INPP5B: variants seen among roughly 807,000 people sequenced by gnomAD.
INPP5B encodes the protein type II inositol 1,4,5-trisphosphate 5-phosphatase.
A neutral mutation model predicts 118.5 loss-of-function variants in INPP5B; 90 were observed. That is an observed-to-expected ratio of 0.76 (90% CI 0.64 to 0.90). The LOEUF (loss-of-function observed/expected upper bound fraction) is 0.90, where lower values mean the gene tolerates loss of function less well. Ranked by LOEUF, INPP5B falls within the 40% of genes least tolerant of loss-of-function variation. The pLI, the probability that INPP5B is intolerant of heterozygous loss-of-function variation, is 0.00. For missense variants in INPP5B, 984 were observed against 1,125.6 expected, an observed-to-expected ratio of 0.87 and a Z score of 1.80; for synonymous variants, 385 against 418.9, an observed-to-expected ratio of 0.92 and a Z score of 0.99.
chr1:37,937,035 G>A (rs748767493), intron 6 of INPP5B, among the ~76,000 whole-genome samples: 19 of 152,150 alleles, frequency 1.2e-4, no homozygotes, highest in African/African-American at 3.6e-4. Context: ...AGGCCAGGCC[G>A]GGCGCGGTGG....
At chr1:37,904,058 G>C (rs1382689774) in intron 7 of INPP5B, among the ~76,000 whole-genome samples, 1 of 152,142 alleles carries the variant, frequency 6.6e-6, no homozygotes, top group African/African-American at 2.4e-5. Context: ...CAGGCATGGT[G>C]GCTCATGCCT....
intron 7 of INPP5B, 91 bp downstream of exon 7, chr1:37,931,822 T>C: frequency 1.2e-6 from 2 of 1,608,984 alleles, no homozygotes; most frequent in Non-Finnish European, 1.7e-6. Context: ...GCCTGTCTTC[T>C]CCATCGCTCC....
rs1180487214 is a variant in INPP5B, at chr1:37,896,624, G to A, written c.533-5170C>T. The stretch of plus-strand genomic sequence containing the variant: ...GGGGGGTCAGCCCCCCGCCCGGCCA[G>A]CCGCCCCGTCCGGGAGGTGAGGGGC... On this transcript the variant is annotated intron_variant, in intron 7 of 23. Transcript: ENST00000373024. Among the ~76,000 whole-genome samples the A allele has an allele frequency of 2.8e-5, 4 of 144,932 alleles. No homozygotes were observed. In the East Asian group the frequency reaches 8.7e-4, roughly 32 times the overall value.
At chr1:37,943,351 G>A (rs540901644) in intron 5 of INPP5B, among the ~76,000 whole-genome samples, 2 of 152,242 alleles carry the variant, frequency 1.3e-5, no homozygotes, top group East Asian at 3.9e-4. Context: ...AAGCCCTGAA[G>A]GCTGAGTAGG....
intron 7 of INPP5B, among the ~76,000 whole-genome samples, chr1:37,909,794 A>T (rs1276032754): frequency 6.6e-6 from 1 of 152,198 alleles, no homozygotes; most frequent in Non-Finnish European, 1.5e-5. Flanking sequence ...ACAGTAATAC[A>T]GAAGAGTTGT....
At chr1:37,909,948 G>A (rs1027921255) in intron 7 of INPP5B, among the ~76,000 whole-genome samples, 1 of 152,160 alleles carries the variant, frequency 6.6e-6, no homozygotes. Context: ...TCTGGCCACT[G>A]GGCCAAGGAA....
chr1:37,914,138 C>T (rs1390522163), intron 7 of INPP5B, among the ~76,000 whole-genome samples: 1 of 152,188 alleles, frequency 6.6e-6, no homozygotes, highest in African/African-American at 2.4e-5. Flanking sequence ...TCACACAAAG[C>T]CTGTTGGTGG....
At position 37,875,601 on chromosome 1, in the gene INPP5B, C is replaced by T; in HGVS notation, c.1788+5G>A. On this transcript the variant is annotated splice_donor_5th_base_variant and intron_variant, in intron 17 of 23. Coordinates refer to ENST00000373024, the MANE Select transcript of INPP5B (RefSeq NM_005540.3). ...ATGCTAATATTCTTAACATGTCCTTCCTACCTCTCGCTTGGACAGGGACAC... is the reference window on the plus strand; with the variant it reads ...ATGCTAATATTCTTAACATGTCCTTTCTACCTCTCGCTTGGACAGGGACAC... 1 of 1,607,994 alleles carries T rather than the reference C, an allele frequency of 6.2e-7. No homozygotes were observed. Among genetic ancestry groups the T allele is most frequent in the Non-Finnish European group, 8.5e-7 (1 of 1,174,424 alleles).
At position 37,931,997 on chromosome 1, in the gene INPP5B, C is replaced by T. The variant is rs1236668263; in HGVS notation, c.448G>A (p.Ala150Thr). ...EFLWLSRYRC[A>T]ELELEMPTPR... is the part of the protein sequence containing the mutation. ...GTTGGCATCTCCAGCTCCAGCTCTGCGCACCTATACCGAGACAGCCACAGG... is the reference window on the plus strand; with the variant it reads ...GTTGGCATCTCCAGCTCCAGCTCTGTGCACCTATACCGAGACAGCCACAGG... Residue 150 changes from alanine (A) to threonine (T), a missense_variant, in exon 7 of 24, where the codon GCA becomes ACA. Transcript: ENST00000373024. 6.2e-6 allele frequency: 10 copies of T among 1,612,640 alleles called. No homozygotes were observed. In the African/African-American group the frequency reaches 9.3e-5, roughly 15 times the overall value.
intron 8 of INPP5B, among the ~76,000 whole-genome samples, chr1:37,890,897 C>T (rs535361552): frequency 6.6e-6 from 1 of 152,212 alleles, no homozygotes; most frequent in South Asian, 2.1e-4. Flanking sequence ...GAGCAGGGTG[C>T]CTGGCAGTAA....
At chr1:37,926,730 A>C (rs1351822089) in intron 7 of INPP5B, among the ~76,000 whole-genome samples, 2 of 152,210 alleles carry the variant, frequency 1.3e-5, no homozygotes, top group Non-Finnish European at 2.9e-5. Flanking sequence ...CCTCCAGAAC[A>C]CAGCTCCAGG....
rs1360388780 is a variant in INPP5B, at chr1:37,941,960, T to A, written c.281-1162A>T. ...CTCAAAAAAAAAAAAAAAAAAAAAA[T>A]ATATATATATATATAAAATAAAATA... On this transcript the variant is annotated intron_variant, in intron 5 of 23. Transcript: ENST00000373024. 218 of 58,652 alleles carry A rather than the reference T, an allele frequency of 3.7e-3. 25 individuals carry two copies. The highest frequency in any genetic ancestry group is 8.7e-3 in the South Asian group (18 of 2,062). The allele number at this position is 58,652 out of a possible 1,614,324, so 3.6% of individuals were successfully genotyped here. A position where few individuals can be genotyped will look rare whatever the true frequency, so the allele number is the denominator to read the frequency against.
At chr1:37,914,475 C>G (rs1382677241) in intron 7 of INPP5B, among the ~76,000 whole-genome samples, 2 of 152,066 alleles carry the variant, frequency 1.3e-5, no homozygotes, top group East Asian at 1.9e-4. Context: ...CCTCTCCAGC[C>G]CCATTTCCCA....
At chr1:37,896,852 G>T (rs61776674) in intron 7 of INPP5B, among the ~76,000 whole-genome samples, 106,400 of 107,110 alleles carry the variant, frequency 0.99, 52,966 homozygotes, top group Non-Finnish European at 0.99. Context: ...CCGCCCCTAC[G>T]GGGAAGTGAG....
chr1:37,936,680 A>C (rs552566081), intron 6 of INPP5B, among the ~76,000 whole-genome samples: 2 of 151,464 alleles, frequency 1.3e-5, no homozygotes. Context: ...CTAAGGAAGC[A>C]CTAGAGCAAA....
chr1:37,923,208 G>A lies in INPP5B; in HGVS notation c.532+8705C>T, dbSNP rs182561070. ...AGGCATTCGGCTGTCATTTGGGAAGGAGAGAGAATGCAAAATGCTAAAAGC... is the reference window on the plus strand; with the variant it reads ...AGGCATTCGGCTGTCATTTGGGAAGAAGAGAGAATGCAAAATGCTAAAAGC... On this transcript the variant is annotated intron_variant, in intron 7 of 23. Coordinates refer to ENST00000373024, the MANE Select transcript of INPP5B (RefSeq NM_005540.3). Among the ~76,000 whole-genome samples, 262 of 152,316 alleles carry A rather than the reference G, an allele frequency of 1.7e-3. 2 individuals carry two copies. The highest frequency in any genetic ancestry group is 3.0e-3 in the Non-Finnish European group (201 of 68,030).
intron 7 of INPP5B, among the ~76,000 whole-genome samples, chr1:37,904,741 G>A (rs1292741404): frequency 1.3e-5 from 2 of 152,090 alleles, no homozygotes; most frequent in Admixed American, 6.5e-5. Context: ...GCCAGGTGTG[G>A]TGGTGCATGC....
intron 7 of INPP5B, among the ~76,000 whole-genome samples, chr1:37,903,407 C>T (rs1460248911): frequency 6.6e-6 from 1 of 152,098 alleles, no homozygotes; most frequent in African/African-American, 2.4e-5. Context: ...TAATCTACCC[C>T]TCGTTTAGCA....
At chr1:37,888,084 A>T (rs369437148) in intron 10 of INPP5B, among the ~76,000 whole-genome samples, 159 bp downstream of exon 10, 13 of 152,376 alleles carry the variant, frequency 8.5e-5, no homozygotes, top group East Asian at 5.8e-4. Flanking sequence ...TAATAGTGGC[A>T]GACATTTGCT....
Sources: gnomAD v4.1 joint callset for allele counts (sites outside exome capture counted in the v4.1 genomes callset) on GRCh38, gnomAD v4.1.1 for gene constraint, MANE v1.5 for transcripts, NCBI Gene and HGNC (gene_info 2026-07-23, HGNC 2026-07-21) for gene names.